Variants in GPHN observed in about 807,000 individuals in gnomAD.
GPHN encodes gephyrin.
A neutral mutation model predicts 95.5 loss-of-function variants in GPHN; 17 were observed. That is an observed-to-expected ratio of 0.18 (90% CI 0.12 to 0.27). The LOEUF is 0.27. Ranked by LOEUF, GPHN falls within the 10% of genes least tolerant of loss-of-function variation. GPHN has a pLI of 1.00. For synonymous variants in GPHN, 320 were observed against 322.5 expected (o/e 0.99, Z 0.08); for missense variants, 660 against 978.1 (o/e 0.67, Z 4.34).
the GPHN span, chr14:67,397,528 A>G: frequency 1.4e-6 from 1 of 690,276 alleles, no homozygotes; most frequent in Non-Finnish European, 2.4e-6. Flanking sequence ...TATGTGGCGG[A>G]GCCAGGATTT....
the GPHN span, chr14:67,316,976 A>G: frequency 8.4e-7 from 1 of 1,190,116 alleles, no homozygotes; most frequent in Non-Finnish European, 1.2e-6. Context: ...GAATCTGCAT[A>G]TTAGAACCGT....
At chr14:67,424,020 C>T in the GPHN span, among the ~76,000 whole-genome samples, 1 of 151,972 alleles carries the variant, frequency 6.6e-6, no homozygotes, top group Non-Finnish European at 1.5e-5. Flanking sequence ...GGCAGATCAC[C>T]TGAGGTCGGG....
At chr14:67,238,895 G>C in the GPHN span, among the ~76,000 whole-genome samples, 1 of 152,046 alleles carries the variant, frequency 6.6e-6, no homozygotes, top group Non-Finnish European at 1.5e-5. Flanking sequence ...CATACACCTT[G>C]GCATCCCAAA....
chr14:67,175,464 T>A (rs1331583590), intron 21 of GPHN, among the ~76,000 whole-genome samples: 1 of 152,222 alleles, frequency 6.6e-6, no homozygotes, highest in Non-Finnish European at 1.5e-5. Flanking sequence ...AGTATCATGC[T>A]GTTTTGGTTA....
At chr14:67,581,324 A>G in the GPHN span, among the ~76,000 whole-genome samples, 3 of 152,048 alleles carry the variant, frequency 2.0e-5, no homozygotes, top group Admixed American at 2.0e-4. Flanking sequence ...AAAACAGACC[A>G]GACCACCCTG....
chr14:67,419,917 G>T, the GPHN span, among the ~76,000 whole-genome samples: 2 of 152,194 alleles, frequency 1.3e-5, no homozygotes, highest in Non-Finnish European at 2.9e-5. Context: ...CCCAGAGCGG[G>T]TGCTTTTTTC....
At chr14:67,225,651 G>A in the GPHN span, among the ~76,000 whole-genome samples, 1 of 152,096 alleles carries the variant, frequency 6.6e-6, no homozygotes, top group Non-Finnish European at 1.5e-5. Context: ...GATATTCGTA[G>A]AGTGCCTGCA....
chr14:66,932,444 GTT>G (rs35159325), intron 8 of GPHN, among the ~76,000 whole-genome samples: 486 of 24,398 alleles, frequency 0.02, 12 homozygotes, highest in African/African-American at 0.074. Flanking sequence ...CCAAGACCAG[GTT>G]TTTTTTTTTT....
chr14:67,674,448 C>G, the GPHN span: 1 of 1,609,308 alleles, frequency 6.2e-7, no homozygotes, highest in African/African-American at 1.3e-5. Flanking sequence ...AGATCTCGTG[C>G]AGCTTCTCGA....
intron 3 of GPHN, among the ~76,000 whole-genome samples, chr14:66,820,997 A>G (rs2061169849): frequency 6.6e-6 from 1 of 152,202 alleles, no homozygotes; most frequent in South Asian, 2.1e-4. Context: ...CACTAAAATA[A>G]ACAATGTCCT....
At chr14:66,725,941 G>A (rs531576495) in intron 2 of GPHN, among the ~76,000 whole-genome samples, 1 of 152,122 alleles carries the variant, frequency 6.6e-6, no homozygotes, top group East Asian at 1.9e-4. Flanking sequence ...TGTTTGTATT[G>A]TACCATGATG....
At chr14:66,983,459 G>A (rs1465316762) in intron 9 of GPHN, among the ~76,000 whole-genome samples, 1 of 151,948 alleles carries the variant, frequency 6.6e-6, no homozygotes, top group Non-Finnish European at 1.5e-5. Context: ...TCAGTATTAG[G>A]TATTATTGTT....
chr14:67,157,367 C>T (rs1422697040), intron 18 of GPHN, among the ~76,000 whole-genome samples: 2 of 152,104 alleles, frequency 1.3e-5, no homozygotes, highest in Middle Eastern at 3.4e-3. Flanking sequence ...ATGAAAAATA[C>T]GTGAATTAAT....
chr14:66,552,378 C>T (rs951749408), intron 1 of GPHN, among the ~76,000 whole-genome samples: 6 of 152,154 alleles, frequency 3.9e-5, no homozygotes, highest in Non-Finnish European at 7.3e-5. Flanking sequence ...TTTTAAATCA[C>T]ATTTTAAACT....
intron 2 of GPHN, among the ~76,000 whole-genome samples, chr14:66,708,713 A>G (rs1009104710): frequency 6.6e-6 from 1 of 152,218 alleles, no homozygotes. Context: ...GAAGTATGCC[A>G]AAGTGTGAAT....
At chr14:66,975,158 C>G (rs2070127382) in intron 9 of GPHN, among the ~76,000 whole-genome samples, 1 of 152,026 alleles carries the variant, frequency 6.6e-6, no homozygotes, top group Admixed American at 6.6e-5. Context: ...TTTTGATATT[C>G]TAATTGATAG....
intron 5 of GPHN, among the ~76,000 whole-genome samples, chr14:66,882,389 G>C (rs958545126): frequency 6.6e-6 from 1 of 151,578 alleles, no homozygotes; most frequent in Non-Finnish European, 1.5e-5. Flanking sequence ...TTTATGTCTA[G>C]AGAGCAGCAT....
chr14:66,704,076 G>A (rs576050036), intron 2 of GPHN, among the ~76,000 whole-genome samples: 72 of 151,798 alleles, frequency 4.7e-4, no homozygotes, highest in African/African-American at 1.6e-3. Context: ...ACAAAGAAGG[G>A]CATTACATAA....
chr14:67,393,264 G>C, the GPHN span: 1 of 1,561,474 alleles, frequency 6.4e-7, no homozygotes, highest in Non-Finnish European at 8.8e-7. Context: ...GAAGGCAAAG[G>C]AGAGGGAACC....
Sources: allele counts gnomAD v4.1 joint callset (sites outside exome capture counted in the v4.1 genomes callset), GRCh38; gene constraint gnomAD v4.1.1; transcripts MANE v1.5; gene names NCBI Gene and HGNC (gene_info 2026-07-23, HGNC 2026-07-21).